The following PAX8 variants were observed in gnomAD, a reference collection of about 807,000 sequenced individuals.
The protein encoded by PAX8 is paired box protein Pax-8.
In PAX8, 15 loss-of-function variants were observed where a neutral mutation model predicts 52.4. That is an observed-to-expected ratio of 0.29 (90% CI 0.19 to 0.44). The LOEUF (loss-of-function observed/expected upper bound fraction) is 0.44, where lower values mean the gene tolerates loss of function less well. Among genes scored for constraint, PAX8 ranks in the 20% least tolerant of loss-of-function variants. PAX8 has a pLI of 1.00. For synonymous variants in PAX8, 284 were observed against 249.7 expected (o/e 1.14, Z -1.29); for missense variants, 554 against 602.5 (o/e 0.92, Z 0.84).
chr2:113,265,254 G>A (rs1315226866), intron 2 of PAX8, among the ~76,000 whole-genome samples: 3 of 152,230 alleles, frequency 2.0e-5, no homozygotes, highest in Admixed American at 6.5e-5. Flanking sequence ...AGCCAAGAAG[G>A]ATATGAAAAC....
intron 10 of PAX8, among the ~76,000 whole-genome samples, chr2:113,220,784 A>G (rs1348279776): frequency 6.6e-6 from 1 of 152,198 alleles, no homozygotes; most frequent in East Asian, 1.9e-4. Flanking sequence ...CCCAGAGGGC[A>G]CACACCCTCA....
chr2:113,273,719 T>C (rs971485786), intron 2 of PAX8: 2 of 152,184 alleles, frequency 1.3e-5, no homozygotes, highest in African/African-American at 4.8e-5. Flanking sequence ...TAAATTACTG[T>C]TTCATTTAAT....
chr2:113,243,542 C>T (rs1318837848), intron 4 of PAX8, among the ~76,000 whole-genome samples: 1 of 152,200 alleles, frequency 6.6e-6, no homozygotes, highest in Non-Finnish European at 1.5e-5. Flanking sequence ...CAGGCACTCG[C>T]CACCACACCC....
intron 9 of PAX8, among the ~76,000 whole-genome samples, chr2:113,230,883 C>T (rs1261581877): frequency 2.0e-5 from 3 of 152,182 alleles, no homozygotes; most frequent in Non-Finnish European, 4.4e-5. Flanking sequence ...CTCCTCTACA[C>T]CCAAATTTCT....
rs751887254 is a variant in PAX8, at chr2:113,216,028, T to TTA, written c.*2503_*2504dup. The stretch of plus-strand genomic sequence containing the variant: ...TAGTCAAAGCACAGCCCAAGCCCCT[T>TTA]TATTGGTTGTGAGTTGGAAAGGGTC... On this transcript the variant is annotated 3_prime_UTR_variant, in exon 12 of 12. Transcript: ENST00000429538. The TTA allele has an allele frequency of 1.2e-4, 25 of 210,604 alleles. No individual in the cohort carries two copies. The highest frequency in any genetic ancestry group is 4.1e-4 in the Admixed American group (7 of 16,948). The allele number at this position is 210,604 out of a possible 1,614,324, so 13.0% of individuals were successfully genotyped here. A position where few individuals can be genotyped will look rare whatever the true frequency, so the allele number is the denominator to read the frequency against.
intron 9 of PAX8, among the ~76,000 whole-genome samples, chr2:113,232,321 G>A (rs1689946802): frequency 6.6e-6 from 1 of 152,150 alleles, no homozygotes; most frequent in Admixed American, 6.5e-5. Flanking sequence ...CCATTTGCCT[G>A]GACCCCAGAT....
At chr2:113,226,411 G>C in intron 10 of PAX8, 2 of 985,986 alleles carry the variant, frequency 2.0e-6, no homozygotes, top group South Asian at 9.4e-5. Context: ...AAAAAATTGA[G>C]ACTTGCCCAA....
intron 10 of PAX8, among the ~76,000 whole-genome samples, chr2:113,224,876 TAA>T (rs1437052798): frequency 1.2e-5 from 1 of 86,684 alleles, no homozygotes; most frequent in Non-Finnish European, 2.9e-5. Context: ...TAAAATAAAA[TAA>T]AATAAAATAG....
chr2:113,242,120 T>G lies in PAX8; in HGVS notation c.489A>C (p.Ser163=), dbSNP rs777154416. ...GGGGTGACTCCGGGGGAGTTACAGC[T>G]GAGCTGGGGACTGCAGTGGGGGAGA... ...LSPGHTLIPS[S]AVTPPESPQS... is the part of the protein sequence containing the mutation. Residue 163 remains serine, a synonymous_variant, in exon 6 of 12, where the codon TCA becomes TCC. Coordinates refer to ENST00000429538, the MANE Select transcript of PAX8 (RefSeq NM_003466.4). The G allele has an allele frequency of 1.2e-5, 20 of 1,613,148 alleles. No individual in the cohort carries two copies. The highest frequency in any genetic ancestry group is 1.7e-5 in the Non-Finnish European group (20 of 1,179,530).
chr2:113,274,382 G>A (rs911303762), intron 2 of PAX8: 3 of 151,972 alleles, frequency 2.0e-5, no homozygotes, highest in African/African-American at 7.3e-5. Flanking sequence ...GTAGAGATTT[G>A]GTGTTAACAA....
chr2:113,278,339 C>G, intron 2 of PAX8, 31 bp downstream of exon 2: 1 of 1,519,902 alleles, frequency 6.6e-7, no homozygotes. Context: ...GGCGCGGGGG[C>G]TCGGGGATCC....
intron 2 of PAX8, among the ~76,000 whole-genome samples, chr2:113,249,343 A>G (rs1318641991): frequency 6.6e-6 from 1 of 152,176 alleles, no homozygotes; most frequent in Non-Finnish European, 1.5e-5. Context: ...GGGTCCAGGC[A>G]CTGAACACAA....
At chr2:113,226,209 G>C in intron 10 of PAX8, 1 of 985,438 alleles carries the variant, frequency 1.0e-6, no homozygotes, top group Non-Finnish European at 1.2e-6. Context: ...GCAAGGAAGG[G>C]AAGCAGGCCT....
chr2:113,220,774 C>T (rs1227799219), intron 10 of PAX8, among the ~76,000 whole-genome samples: 2 of 152,188 alleles, frequency 1.3e-5, no homozygotes, highest in East Asian at 1.9e-4. Context: ...GAGGGAGAGC[C>T]CCAGAGGGCA....
At chr2:113,224,593 T>C (rs544776175) in intron 10 of PAX8, among the ~76,000 whole-genome samples, 67 of 142,770 alleles carry the variant, frequency 4.7e-4, no homozygotes, top group African/African-American at 1.4e-3. Flanking sequence ...GATGGAAGGA[T>C]CGGTGGAAAG....
At position 113,216,024 on chromosome 2, in the gene PAX8, C is replaced by A. The variant is rs947996489; in HGVS notation, c.*2509G>T. ...ACCTTAGTCAAAGCACAGCCCAAGC[C>A]CCTTTATTGGTTGTGAGTTGGAAAG... On this transcript the variant is annotated 3_prime_UTR_variant, in exon 12 of 12. Coordinates refer to ENST00000429538, the MANE Select transcript of PAX8 (RefSeq NM_003466.4). 2.3e-5 allele frequency: 5 copies of A among 215,942 alleles called. No individual in the cohort carries two copies. Among genetic ancestry groups the A allele is most frequent in the Non-Finnish European group, 4.7e-5 (5 of 107,184 alleles). 13.4% of individuals were successfully genotyped at this position (215,942 alleles called of 1,614,324 possible). A position where few individuals can be genotyped will look rare whatever the true frequency, so the allele number is the denominator to read the frequency against.
intron 3 of PAX8, among the ~76,000 whole-genome samples, chr2:113,245,031 C>T (rs1016337339): frequency 4.0e-5 from 6 of 149,900 alleles, no homozygotes; most frequent in African/African-American, 1.5e-4. Context: ...TAAAGCACGA[C>T]TGAGGTTTTT....
intron 2 of PAX8, 72 bp downstream of exon 2, chr2:113,278,298 A>G: frequency 8.0e-7 from 1 of 1,249,798 alleles, no homozygotes; most frequent in South Asian, 1.2e-5. Flanking sequence ...CTCGAGATCC[A>G]ACCACCCGAG....
chr2:113,236,543 C>T, intron 8 of PAX8, 58 bp downstream of exon 8: 1 of 1,530,704 alleles, frequency 6.5e-7, no homozygotes, highest in South Asian at 1.2e-5. Flanking sequence ...GCCTGACAGC[C>T]AGCCAAGCTC....
Sources: allele counts gnomAD v4.1 joint callset (sites outside exome capture counted in the v4.1 genomes callset), GRCh38; gene constraint gnomAD v4.1.1; transcripts MANE v1.5; gene names NCBI Gene and HGNC (gene_info 2026-07-23, HGNC 2026-07-21).